Variants in LRRC9 observed in about 807,000 individuals in gnomAD.
The protein encoded by LRRC9 is leucine-rich repeat-containing protein 9.
In LRRC9, 122 loss-of-function variants were observed where a neutral mutation model predicts 63.2. The observed-to-expected ratio is 1.93, with a 90% CI of 1.67 to 2.24. The LOEUF is 2.24. LRRC9 is among the 30% of genes most tolerant of loss of function. LRRC9 has a pLI of 0.00. For synonymous variants in LRRC9, 366 were observed against 213.1 expected (o/e 1.72, Z -6.25); for missense variants, 1,071 against 627.7 (o/e 1.71, Z -7.55).
intron 29 of LRRC9, among the ~76,000 whole-genome samples, chr14:60,049,645 T>G (rs1335090821): frequency 1.3e-5 from 2 of 152,236 alleles, no homozygotes; most frequent in African/African-American, 2.4e-5. Context: ...GGCTTCCCTT[T>G]GTAGGTGACT....
Position 60,027,663 on chromosome 14 carries a change from G to C in LRRC9, c.3704-221G>C, listed in dbSNP as rs79070632. ...CAGTACATTCTGTACATCACATCCT[G>C]ATCTTTCAAATTCACAAATGAGAAA... On this transcript the variant is annotated intron_variant, in intron 27 of 31. Coordinates refer to ENST00000445360, the Ensembl canonical transcript of LRRC9. This position sits in a 1 kb window ranked among gnomAD's most constrained non-coding sequence, Gnocchi z 4.0. Among the ~76,000 whole-genome samples, 766 of 152,078 alleles carry C rather than the reference G, an allele frequency of 5.0e-3. 7 individuals carry two copies. Among genetic ancestry groups the C allele is most frequent in the African/African-American group, 0.018 (741 of 41,532 alleles).
At chr14:60,063,422 A>C (rs375300259) in exon 32 of LRRC9, 1 of 687,314 alleles carries the variant, frequency 1.5e-6, no homozygotes. Flanking sequence ...TTGTACAAAA[A>C]CTAGCGGACA....
At chr14:59,953,421 T>A (rs1257033243) in intron 8 of LRRC9, among the ~76,000 whole-genome samples, 1 of 152,202 alleles carries the variant, frequency 6.6e-6, no homozygotes, top group Non-Finnish European at 1.5e-5. Flanking sequence ...GATGATGAGC[T>A]TTTTTTCATA....
At position 60,003,846 on chromosome 14, in the gene LRRC9, C is replaced by T; in HGVS notation, c.2842+48C>T. On this transcript the variant is annotated intron_variant, in intron 21 of 31. Coordinates refer to ENST00000445360, the Ensembl canonical transcript of LRRC9. The surrounding 1 kb of genome is among the most constrained non-coding windows in gnomAD (Gnocchi z 4.2). ...AGTCTCAAAATATGGGATGTCTAAA[C>T]AACAAAGCAAAAAATAACCCTGGGA... is the stretch of plus-strand genomic sequence containing the variant. 1 of 530,208 alleles carries T rather than the reference C, an allele frequency of 1.9e-6. No individual in the cohort carries two copies. Among genetic ancestry groups the T allele is most frequent in the Non-Finnish European group, 3.3e-6 (1 of 301,576 alleles). The allele number at this position is 530,208 out of a possible 1,614,324, so 32.8% of individuals were successfully genotyped here.
intron 29 of LRRC9, among the ~76,000 whole-genome samples, chr14:60,039,033 T>C (rs1892699601): frequency 6.6e-6 from 1 of 152,264 alleles, no homozygotes; most frequent in Non-Finnish European, 1.5e-5. Context: ...ATGTAGTTTT[T>C]GTCCTTGGTT....
chr14:60,042,744 T>C lies in LRRC9; in HGVS notation c.3991-10321T>C, dbSNP rs188688608. ...CTGCTTTGGCTCATGCTCCGTGGGC[T>C]GCACCTATTGTCCGACAAGCCCCAG... On this transcript the variant is annotated intron_variant, in intron 29 of 31. Coordinates refer to ENST00000445360, the Ensembl canonical transcript of LRRC9. The surrounding 1 kb of genome is among the most constrained non-coding windows in gnomAD (Gnocchi z 4.2). Among the ~76,000 whole-genome samples, 335 of 152,254 alleles carry C rather than the reference T, an allele frequency of 2.2e-3. 4 individuals are homozygous for C. Among genetic ancestry groups the C allele is most frequent in the African/African-American group, 7.6e-3 (314 of 41,556 alleles).
At chr14:59,926,788 G>A (rs1442944360) in intron 1 of LRRC9, among the ~76,000 whole-genome samples, 1 of 152,072 alleles carries the variant, frequency 6.6e-6, no homozygotes, top group Non-Finnish European at 1.5e-5. Context: ...AACAGTAGTT[G>A]TTTCTTTCTC....
At chr14:60,029,048 T>A (rs184619732) in intron 28 of LRRC9, among the ~76,000 whole-genome samples, 5 of 152,142 alleles carry the variant, frequency 3.3e-5, no homozygotes, top group African/African-American at 1.2e-4. Flanking sequence ...TACAACTAAT[T>A]TATACAGATT....
At chr14:59,998,775 A>C (rs1889062212) in intron 18 of LRRC9, among the ~76,000 whole-genome samples, 1 of 152,078 alleles carries the variant, frequency 6.6e-6, no homozygotes, top group Non-Finnish European at 1.5e-5. Context: ...ATATTGAATC[A>C]CACATGGAGA....
At position 60,051,405 on chromosome 14, in the gene LRRC9, G is replaced by A. The variant is rs916451204; in HGVS notation, c.3991-1660G>A. Reference sequence around the variant, plus strand: ...GTTGCAGTTAGGGGGAACCCTCCTCGTCCAGACCACCTGGACTCTCTACAG... The same window carrying A: ...GTTGCAGTTAGGGGGAACCCTCCTCATCCAGACCACCTGGACTCTCTACAG... On this transcript the variant is annotated intron_variant, in intron 29 of 31. Transcript: ENST00000445360. The surrounding 1 kb of genome is among the most constrained non-coding windows in gnomAD (Gnocchi z 4.7). 1.7e-4 allele frequency among the ~76,000 whole-genome samples: 26 copies of A among 152,308 alleles called. No individual in the cohort carries two copies. The highest frequency in any genetic ancestry group is 6.0e-4 in the African/African-American group (25 of 41,560).
At chr14:60,039,258 C>T (rs1019281500) in intron 29 of LRRC9, among the ~76,000 whole-genome samples, 12 of 152,128 alleles carry the variant, frequency 7.9e-5, no homozygotes, top group African/African-American at 2.7e-4. Context: ...GCTTTCGTAT[C>T]GGGATGATGC....
rs1889758076 is a variant in LRRC9, at chr14:59,932,090, C to A, written c.543+51C>A. On this transcript the variant is annotated intron_variant, in intron 6 of 31. Coordinates refer to ENST00000445360, the Ensembl canonical transcript of LRRC9. The surrounding 1 kb of genome is among the most constrained non-coding windows in gnomAD (Gnocchi z 4.7). ...TTTATTTATCATCCTGAATCATGAA[C>A]CATTGTGTTGCAGAAACTGTACTAA... The A allele has an allele frequency of 2.9e-6, 2 of 681,436 alleles. No homozygotes were observed. Among genetic ancestry groups the A allele is most frequent in the Admixed American group, 4.4e-5 (2 of 45,884 alleles). The allele number at this position is 681,436 out of a possible 1,614,324, so 42.2% of individuals were successfully genotyped here. A position where few individuals can be genotyped will look rare whatever the true frequency, so the allele number is the denominator to read the frequency against.
At chr14:59,991,733 T>G (rs1033475357) in intron 17 of LRRC9, among the ~76,000 whole-genome samples, 2 of 152,130 alleles carry the variant, frequency 1.3e-5, no homozygotes, top group African/African-American at 4.8e-5. Flanking sequence ...CCAAGCAGTC[T>G]GAGATCAAAC....
At chr14:59,957,128 A>G (rs192653794) in intron 8 of LRRC9, among the ~76,000 whole-genome samples, 1 of 152,220 alleles carries the variant, frequency 6.6e-6, no homozygotes, top group East Asian at 1.9e-4. Context: ...CTCGAGGAGT[A>G]TCTTAATGGT....
chr14:59,923,209 C>T lies in LRRC9; in HGVS notation c.-34+3326C>T, dbSNP rs1888927792. 6.6e-6 allele frequency among the ~76,000 whole-genome samples: 1 copy of T among 152,160 alleles called. No homozygotes were observed. Among genetic ancestry groups the T allele is most frequent in the Non-Finnish European group, 1.5e-5 (1 of 68,034 alleles). ...TGTAAGTACCAGGAAGGCCTAGCAT[C>T]CTTGTGATTCAGAAATAGTTATACA... On this transcript the variant is annotated intron_variant, in intron 1 of 31. Transcript: ENST00000445360. This position sits in a 1 kb window ranked among gnomAD's most constrained non-coding sequence, Gnocchi z 4.2.
At chr14:60,045,635 T>C (rs1893357698) in intron 29 of LRRC9, among the ~76,000 whole-genome samples, 2 of 152,270 alleles carry the variant, frequency 1.3e-5, no homozygotes, top group Non-Finnish European at 2.9e-5. Context: ...TAGTATTCCA[T>C]GGTTTAAATG....
In LRRC9 at chr14:59,938,244, GAA is replaced by G; in HGVS notation, c.544-144_544-143del. 2.2e-6 allele frequency: 1 copy of G among 463,090 alleles called. No homozygotes were observed. The highest frequency in any genetic ancestry group is 3.8e-6 in the Non-Finnish European group (1 of 264,676). The allele number at this position is 463,090 out of a possible 1,614,324, so 28.7% of individuals were successfully genotyped here. A position where few individuals can be genotyped will look rare whatever the true frequency, so the allele number is the denominator to read the frequency against. ...CAGGAATTTAGCTTTTCAATAGAGA[GAA>G]ACATTTTAGGCATCTAAATCACTTT... is the stretch of plus-strand genomic sequence containing the variant. On this transcript the variant is annotated intron_variant, in intron 6 of 31. Coordinates refer to ENST00000445360, the Ensembl canonical transcript of LRRC9. The surrounding 1 kb of genome is among the most constrained non-coding windows in gnomAD (Gnocchi z 4.2).
chr14:59,940,728 A>G (rs187400405), intron 7 of LRRC9, among the ~76,000 whole-genome samples: 2 of 152,272 alleles, frequency 1.3e-5, no homozygotes, highest in Admixed American at 1.3e-4. Flanking sequence ...TATAAAAATA[A>G]GTGCTATGAA....
chr14:59,966,586 T>C lies in LRRC9; in HGVS notation c.1212-3T>C. 1.5e-6 allele frequency: 1 copy of C among 654,924 alleles called. No homozygotes were observed. The highest frequency in any genetic ancestry group is 2.4e-5 in the Admixed American group (1 of 41,546). The allele number at this position is 654,924 out of a possible 1,614,324, so 40.6% of individuals were successfully genotyped here. On this transcript the variant is annotated splice_region_variant and splice_polypyrimidine_tract_variant and intron_variant, in intron 10 of 31. Transcript: ENST00000445360. The surrounding 1 kb of genome is among the most constrained non-coding windows in gnomAD (Gnocchi z 4.0). Reference sequence around the variant, plus strand: ...TGTATATTCTGTATGTATTCCCACATAGGTTTAATTTCTGCTATGAATTAA... The same window carrying C: ...TGTATATTCTGTATGTATTCCCACACAGGTTTAATTTCTGCTATGAATTAA...
Sources: gnomAD v4.1 joint callset for allele counts (sites outside exome capture counted in the v4.1 genomes callset) on GRCh38, gnomAD v4.1.1 for gene constraint, Gnocchi (gnomAD v3.1) non-coding constraint, MANE v1.5 for transcripts, NCBI Gene and HGNC (gene_info 2026-07-23, HGNC 2026-07-21) for gene names.